Variants in WIPF3 observed in about 807,000 individuals in gnomAD.
WIPF3 encodes WAS/WASL interacting protein family member 3.
Under a neutral mutation model 38.9 loss-of-function variants are expected in WIPF3, and 33 were observed. The observed-to-expected ratio is 0.85, with a 90% CI of 0.64 to 1.14. The LOEUF is 1.14. Ranked by LOEUF, WIPF3 falls within the 50% of genes most tolerant of loss-of-function variation. The probability of loss-of-function intolerance (pLI) is 0.00; values close to 1 mark genes in which losing one functional copy is unlikely to be tolerated. For synonymous variants in WIPF3, 324 were observed against 269.3 expected, an observed-to-expected ratio of 1.20 and a Z score of -1.99; for missense variants, 711 against 652.5, an observed-to-expected ratio of 1.09 and a Z score of -0.98.
intron 2 of WIPF3, among the ~76,000 whole-genome samples, chr7:29,858,711 G>A (rs1238568703): frequency 6.6e-6 from 1 of 152,152 alleles, no homozygotes; most frequent in Non-Finnish European, 1.5e-5. Context: ...TTTTAGAATT[G>A]CTGGCATTCA....
chr7:29,886,128 A>G (rs894006339), intron 5 of WIPF3, among the ~76,000 whole-genome samples: 2 of 152,080 alleles, frequency 1.3e-5, no homozygotes, highest in African/African-American at 4.8e-5. Context: ...AGAAATTTTA[A>G]TCCACGTTTT....
intron 1 of WIPF3, among the ~76,000 whole-genome samples, chr7:29,814,906 G>A (rs2128061615): frequency 6.6e-6 from 1 of 152,270 alleles, no homozygotes; most frequent in East Asian, 1.9e-4. Context: ...TTCCTATGTG[G>A]CTGATGTAAG....
intron 2 of WIPF3, among the ~76,000 whole-genome samples, chr7:29,875,625 T>C (rs934726975): frequency 6.6e-6 from 1 of 152,034 alleles, no homozygotes; most frequent in African/African-American, 2.4e-5. Context: ...GACTTGGTCA[T>C]CTAAAATAAA....
At chr7:29,841,157 A>G (rs1250128830) in intron 2 of WIPF3, among the ~76,000 whole-genome samples, 2 of 152,122 alleles carry the variant, frequency 1.3e-5, no homozygotes, top group African/African-American at 4.8e-5. Context: ...GTTTTATTAT[A>G]TGTAATCTTT....
At chr7:29,851,466 C>T (rs1006655425) in intron 2 of WIPF3, among the ~76,000 whole-genome samples, 3 of 152,202 alleles carry the variant, frequency 2.0e-5, no homozygotes, top group African/African-American at 7.2e-5. Flanking sequence ...TGCTCCTCCT[C>T]ACCAGGGTCA....
intron 4 of WIPF3, 115 bp from the exon 5 acceptor site, chr7:29,883,735 G>C (rs1277916874): frequency 1.5e-6 from 2 of 1,372,458 alleles, no homozygotes; most frequent in Admixed American, 3.4e-5. Flanking sequence ...TGCAGAAAAA[G>C]CGGTCTACAG....
intron 2 of WIPF3, among the ~76,000 whole-genome samples, chr7:29,846,753 G>A (rs1000504204): frequency 2.0e-5 from 3 of 152,202 alleles, no homozygotes; most frequent in East Asian, 3.8e-4. Context: ...GTTTAAACAC[G>A]TTTGTGTCCC....
intron 2 of WIPF3, among the ~76,000 whole-genome samples, chr7:29,836,702 C>T (rs375170424): frequency 1.3e-5 from 2 of 152,202 alleles, no homozygotes; most frequent in South Asian, 2.1e-4. Flanking sequence ...TTAAAACTTA[C>T]ATCTGGCGGG....
At position 29,884,041 on chromosome 7, in the gene WIPF3, C is replaced by T. The variant is rs1785785231; in HGVS notation, c.547C>T (p.Pro183Ser). ...GCCCCCTCCCACCCCACCCCCTCCGCCTCCACCCTTACCCCCGCCCCTTCC... is the reference window on the plus strand; with the variant it reads ...GCCCCCTCCCACCCCACCCCCTCCGTCTCCACCCTTACCCCCGCCCCTTCC... The part of the protein sequence containing the change: ...APPPPTPPPP[P>S]PPLPPPLPSS... Residue 183 changes from proline (P) to serine (S), a missense_variant, in exon 5 of 9, where the codon CCT becomes TCT. Physicochemically the swap from Pro to Ser is moderately conservative, Grantham distance 74 (BLOSUM62 -1). Transcript: ENST00000242140. 2.8e-6 allele frequency: 4 copies of T among 1,428,394 alleles called. No individual in the cohort carries two copies. The highest frequency in any genetic ancestry group is 3.7e-6 in the Non-Finnish European group (4 of 1,073,640). The allele number at this position is 1,428,394 out of a possible 1,614,324, so 88.5% of individuals were successfully genotyped here.
At chr7:29,885,119 G>C (rs1270678599) in intron 5 of WIPF3, among the ~76,000 whole-genome samples, 3 of 152,186 alleles carry the variant, frequency 2.0e-5, no homozygotes, top group Non-Finnish European at 4.4e-5. Flanking sequence ...TTCCCACTCT[G>C]CCTTAGTTTT....
intron 2 of WIPF3, among the ~76,000 whole-genome samples, chr7:29,863,153 G>A (rs564212876): frequency 6.6e-6 from 1 of 152,240 alleles, no homozygotes; most frequent in South Asian, 2.1e-4. Context: ...ATAGATTTAT[G>A]TAACTACCAC....
chr7:29,827,488 C>T (rs1784634750), intron 1 of WIPF3, among the ~76,000 whole-genome samples: 2 of 152,048 alleles, frequency 1.3e-5, no homozygotes, highest in Admixed American at 6.6e-5. Context: ...TTATTTGTTC[C>T]TTGTTTGCAC....
chr7:29,900,104 A>C (rs1426911066), intron 7 of WIPF3, among the ~76,000 whole-genome samples: 3 of 151,752 alleles, frequency 2.0e-5, no homozygotes, highest in Non-Finnish European at 4.4e-5. Flanking sequence ...CGCCCAGCTA[A>C]TTTTTGTATT....
At chr7:29,824,558 A>G (rs1784586476) in intron 1 of WIPF3, among the ~76,000 whole-genome samples, 1 of 148,550 alleles carries the variant, frequency 6.7e-6, no homozygotes, top group Non-Finnish European at 1.5e-5. Flanking sequence ...TTTAAAAAAA[A>G]AAAAAAGAAA....
At chr7:29,880,515 T>A (rs1785692737) in intron 4 of WIPF3, among the ~76,000 whole-genome samples, 1 of 152,210 alleles carries the variant, frequency 6.6e-6, no homozygotes, top group African/African-American at 2.4e-5. Flanking sequence ...CTCTTCTTTT[T>A]CAAAATTCCC....
At position 29,834,780 on chromosome 7, in the gene WIPF3, G is replaced by C; in HGVS notation, c.56G>C (p.Gly19Ala). ...CTGCCTCCACCTCCCCCGCCTCTGGGGGCTCCTCCCCCTCCCCCACCATCA... is the reference window on the plus strand; with the variant it reads ...CTGCCTCCACCTCCCCCGCCTCTGGCGGCTCCTCCCCCTCCCCCACCATCA... ...PPLPPPPPPL[G>A]APPPPPPSAP... is the part of the protein sequence containing the mutation. Residue 19 changes from glycine to alanine, a missense_variant, in exon 2 of 9, where the codon GGG (glycine) becomes GCG (alanine). Transcript: ENST00000242140. 1 of 1,507,012 alleles carries C rather than the reference G, an allele frequency of 6.6e-7. No individual in the cohort carries two copies. The highest frequency in any genetic ancestry group is 8.9e-7 in the Non-Finnish European group (1 of 1,125,508). The allele number at this position is 1,507,012 out of a possible 1,614,324, so 93.4% of individuals were successfully genotyped here. A position where few individuals can be genotyped will look rare whatever the true frequency, so the allele number is the denominator to read the frequency against.
chr7:29,839,529 G>A (rs889288405), intron 2 of WIPF3, among the ~76,000 whole-genome samples: 5 of 152,160 alleles, frequency 3.3e-5, no homozygotes, highest in Admixed American at 6.5e-5. Flanking sequence ...CGCACAGAGC[G>A]TCACCCTGTG....
chr7:29,819,787 G>A (rs1239123039), intron 1 of WIPF3, among the ~76,000 whole-genome samples: 2 of 151,946 alleles, frequency 1.3e-5, no homozygotes, highest in African/African-American at 4.8e-5. Flanking sequence ...GTTAAATAAA[G>A]TTTAAAAGTT....
chr7:29,851,567 G>A (rs1262796890), intron 2 of WIPF3, among the ~76,000 whole-genome samples: 1 of 152,186 alleles, frequency 6.6e-6, no homozygotes, highest in Non-Finnish European at 1.5e-5. Context: ...GTGACTGACA[G>A]TGCCAGGCTT....
Sources: allele counts gnomAD v4.1 joint callset (sites outside exome capture counted in the v4.1 genomes callset), GRCh38; gene constraint gnomAD v4.1.1; transcripts MANE v1.5; gene names NCBI Gene and HGNC (gene_info 2026-07-23, HGNC 2026-07-21).